Variants in CDK8 observed in about 807,000 individuals in gnomAD.
CDK8 encodes the protein cyclin dependent kinase 8.
CDK8 carries 29 observed loss-of-function variants against 71.5 expected under a neutral mutation model. That is an observed-to-expected ratio of 0.41 (90% confidence interval 0.30 to 0.55). The LOEUF is 0.55. Among genes scored for constraint, CDK8 ranks in the 20% least tolerant of loss-of-function variants. The pLI is 0.37. For missense variants in CDK8, 288 were observed against 572.6 expected (o/e 0.50, Z 5.07); for synonymous variants, 161 against 192.1 (o/e 0.84, Z 1.34).
intron 1 of CDK8, among the ~76,000 whole-genome samples, chr13:26,323,050 A>T (rs1874853382): frequency 6.6e-6 from 1 of 152,132 alleles, no homozygotes; most frequent in African/African-American, 2.4e-5. Flanking sequence ...AGTTGAAAAT[A>T]CTGCTCGATG....
At chr13:26,289,051 G>GTTTTTTTTTTTTTTTTTTTTTTT (rs5802371) in intron 1 of CDK8, among the ~76,000 whole-genome samples, 2 of 56,230 alleles carry the variant, frequency 3.6e-5, no homozygotes, top group Non-Finnish European at 3.4e-5. Context: ...AGCTTCTGTA[G>GTTTTTTTTTTTTTTTTTTTTTTT]TTTTTTTTTT....
chr13:26,309,722 A>G (rs1297866724), intron 1 of CDK8, among the ~76,000 whole-genome samples: 1 of 152,176 alleles, frequency 6.6e-6, no homozygotes, highest in Non-Finnish European at 1.5e-5. Flanking sequence ...ATCCCAGCCC[A>G]GATATCTGTT....
chr13:26,313,792 C>A (rs1291873544), intron 1 of CDK8, among the ~76,000 whole-genome samples: 3 of 152,008 alleles, frequency 2.0e-5, no homozygotes, highest in African/African-American at 7.3e-5. Context: ...GATAAGGAGG[C>A]CTGTTAAATA....
intron 1 of CDK8, among the ~76,000 whole-genome samples, chr13:26,302,982 T>G (rs1371581536): frequency 2.6e-5 from 4 of 152,206 alleles, no homozygotes; most frequent in Non-Finnish European, 4.4e-5. Flanking sequence ...CATGAGCCAC[T>G]GTGCCTGGCT....
chr13:26,289,051 G>GTTTTTT (rs5802371), intron 1 of CDK8, among the ~76,000 whole-genome samples: 1 of 56,230 alleles, frequency 1.8e-5, no homozygotes, highest in Non-Finnish European at 3.4e-5. Flanking sequence ...AGCTTCTGTA[G>GTTTTTT]TTTTTTTTTT....
At chr13:26,379,875 A>T (rs1453894249) in intron 4 of CDK8, among the ~76,000 whole-genome samples, 1 of 152,166 alleles carries the variant, frequency 6.6e-6, no homozygotes, top group Non-Finnish European at 1.5e-5. Context: ...TATAGTTCGA[A>T]TTGTTTAATT....
intron 1 of CDK8, among the ~76,000 whole-genome samples, chr13:26,285,111 C>T (rs528118973): frequency 1.9e-4 from 29 of 152,206 alleles, no homozygotes; most frequent in African/African-American, 5.5e-4. Context: ...TGGTGGCACA[C>T]GCCTGTAATT....
intron 1 of CDK8, among the ~76,000 whole-genome samples, chr13:26,272,526 C>T (rs1454931680): frequency 2.0e-5 from 3 of 152,138 alleles, no homozygotes; most frequent in Non-Finnish European, 2.9e-5. Flanking sequence ...CTGCCTGAGG[C>T]AGTTTTACAG....
intron 1 of CDK8, among the ~76,000 whole-genome samples, chr13:26,280,262 C>A (rs1300351382): frequency 6.6e-6 from 1 of 152,140 alleles, no homozygotes; most frequent in Non-Finnish European, 1.5e-5. Context: ...TTCATTTAAA[C>A]CTATACTGTA....
intron 4 of CDK8, among the ~76,000 whole-genome samples, chr13:26,372,971 A>G (rs745835676): frequency 2.0e-5 from 3 of 152,120 alleles, no homozygotes; most frequent in African/African-American, 7.2e-5. Flanking sequence ...TACCCCTGTG[A>G]ATTATGCCAT....
chr13:26,381,939 C>T (rs757961537), intron 4 of CDK8, among the ~76,000 whole-genome samples: 8 of 152,086 alleles, frequency 5.3e-5, no homozygotes, highest in Admixed American at 3.3e-4. Context: ...TGTCAGTATC[C>T]GAAGAGGTGT....
At chr13:26,266,593 AG>A (rs1332229691) in intron 1 of CDK8, among the ~76,000 whole-genome samples, 25 of 152,178 alleles carry the variant, frequency 1.6e-4, no homozygotes, top group African/African-American at 5.3e-4. Flanking sequence ...AGGGCAAGGG[AG>A]ATAAAGAAGT....
Position 26,400,656 on chromosome 13 carries a change from A to G in CDK8, c.1031+106A>G, listed in dbSNP as rs571856075. ...GCTCCTCCTCTTATATGGGAACCCA[A>G]GGAAATCCTTTATGACAAGCAAAAA... On this transcript the variant is annotated intron_variant, in intron 10 of 12. Coordinates refer to ENST00000381527, the MANE Select transcript of CDK8 (RefSeq NM_001260.3). The G allele has an allele frequency of 1.6e-4, 121 of 735,310 alleles. No individual in the cohort carries two copies. In the African/African-American group the frequency reaches 1.9e-3, roughly 12 times the overall value. 45.5% of individuals were successfully genotyped at this position (735,310 alleles called of 1,614,324 possible).
intron 4 of CDK8, chr13:26,359,537 A>G (rs1874042345): frequency 1.7e-5 from 3 of 172,072 alleles, no homozygotes; most frequent in Middle Eastern, 5.0e-4. Context: ...GTAGAAGCCC[A>G]GTTTTGATTT....
intron 6 of CDK8, among the ~76,000 whole-genome samples, chr13:26,392,566 T>C (rs1875801157): frequency 6.6e-6 from 1 of 152,112 alleles, no homozygotes; most frequent in Admixed American, 6.6e-5. Context: ...GACCTCGTGA[T>C]CCGTCCTCCT....
intron 1 of CDK8, among the ~76,000 whole-genome samples, chr13:26,282,054 C>T (rs868186665): frequency 7.9e-5 from 12 of 151,772 alleles, no homozygotes; most frequent in Middle Eastern, 3.4e-3. Flanking sequence ...AAAGCCTCCA[C>T]AAAGTTTGGG....
intron 1 of CDK8, among the ~76,000 whole-genome samples, chr13:26,287,486 A>G (rs184411975): frequency 3.5e-4 from 54 of 152,350 alleles, no homozygotes; most frequent in Non-Finnish European, 7.2e-4. Flanking sequence ...ACCAAACATC[A>G]TATGTTTTCA....
chr13:26,386,813 C>T (rs1331855734), intron 6 of CDK8, among the ~76,000 whole-genome samples: 1 of 152,150 alleles, frequency 6.6e-6, no homozygotes, highest in Non-Finnish European at 1.5e-5. Context: ...ATGAAGTCTC[C>T]TGCCTGTCTT....
In CDK8 at chr13:26,254,603, G is replaced by GCCCC; in HGVS notation, c.-36_-33dup. The stretch of plus-strand genomic sequence containing the variant: ...CCCCGGTCCCCACCCCTGCCCCCCG[G>GCCCC]CCCCCCGACCCAGCTCTCCGGCCTC... On this transcript the variant is annotated 5_prime_UTR_variant, in exon 1 of 13. Transcript: ENST00000381527. The surrounding 1 kb of genome is among the most constrained non-coding windows in gnomAD (Gnocchi z 6.7). The GCCCC allele has an allele frequency of 2.1e-6, 3 of 1,454,164 alleles. No homozygotes were observed. The highest frequency in any genetic ancestry group is 2.8e-6 in the Non-Finnish European group (3 of 1,067,016). 90.1% of individuals were successfully genotyped at this position (1,454,164 alleles called of 1,614,324 possible).
Sources: allele counts gnomAD v4.1 joint callset (sites outside exome capture counted in the v4.1 genomes callset), GRCh38; gene constraint gnomAD v4.1.1; non-coding constraint Gnocchi (gnomAD v3.1); transcripts MANE v1.5; gene names NCBI Gene and HGNC (gene_info 2026-07-23, HGNC 2026-07-21).